COLEC10: variants seen among roughly 807,000 people sequenced by gnomAD.
COLEC10 encodes collectin subfamily member 10, also known as collectin-10.
COLEC10 carries 22 observed loss-of-function variants against 28.4 expected under a neutral mutation model. The observed-to-expected ratio is 0.78, with a 90% CI of 0.55 to 1.11. The LOEUF is 1.11. COLEC10 is among the 50% of genes least tolerant of loss of function. The pLI is 0.00. For missense variants in COLEC10, 361 were observed against 344.1 expected (o/e 1.05, Z -0.39); for synonymous variants, 125 against 116.1 (o/e 1.08, Z -0.49).
At chr8:118,960,167 G>A in the COLEC10 span, among the ~76,000 whole-genome samples, 2 of 151,576 alleles carry the variant, frequency 1.3e-5, no homozygotes, top group African/African-American at 4.9e-5. Flanking sequence ...TGGTGGTAGT[G>A]GTAGAACAGG....
At chr8:118,975,863 G>T in the COLEC10 span, among the ~76,000 whole-genome samples, 18 of 151,990 alleles carry the variant, frequency 1.2e-4, no homozygotes, top group Non-Finnish European at 2.2e-4. Context: ...TGTAAACCAC[G>T]AATTTCTTAC....
At chr8:119,089,595 G>A (rs1419893299) in intron 1 of COLEC10, 85 bp from the exon 2 acceptor site, 48 of 1,079,362 alleles carry the variant, frequency 4.4e-5, no homozygotes, top group Non-Finnish European at 6.6e-5. Context: ...GGGAAAGATT[G>A]TAACCATGTC....
At chr8:119,104,978 A>G (rs776239191) in intron 5 of COLEC10, among the ~76,000 whole-genome samples, 8 of 152,190 alleles carry the variant, frequency 5.3e-5, no homozygotes, top group Non-Finnish European at 8.8e-5. Context: ...GGTGATTCTC[A>G]GTCTCCAGTT....
At chr8:119,094,858 A>C (rs1587061168) in intron 3 of COLEC10, among the ~76,000 whole-genome samples, 3 of 152,196 alleles carry the variant, frequency 2.0e-5, no homozygotes, top group Non-Finnish European at 4.4e-5. Flanking sequence ...TTTGAAAAGG[A>C]ATACCAACAA....
the COLEC10 span, among the ~76,000 whole-genome samples, chr8:118,967,363 T>G: frequency 3.3e-5 from 5 of 152,142 alleles, no homozygotes; most frequent in Non-Finnish European, 7.4e-5. Flanking sequence ...GCCTCTAATA[T>G]GCCACCTTCA....
the COLEC10 span, among the ~76,000 whole-genome samples, chr8:118,979,980 G>C: frequency 6.6e-6 from 1 of 152,144 alleles, no homozygotes; most frequent in South Asian, 2.1e-4. Context: ...CTCAGAACTT[G>C]GCAGCTTGCT....
intron 2 of COLEC10, among the ~76,000 whole-genome samples, chr8:119,017,177 C>T (rs111546558): frequency 2.6e-5 from 4 of 152,234 alleles, no homozygotes; most frequent in African/African-American, 4.8e-5. Context: ...GACTAAGTGA[C>T]GTATCCGAGG....
intron 2 of COLEC10, among the ~76,000 whole-genome samples, chr8:119,031,004 T>C (rs551236198): frequency 6.6e-6 from 1 of 152,312 alleles, no homozygotes; most frequent in Non-Finnish European, 1.5e-5. Flanking sequence ...AGGTCCAACA[T>C]ATTCTTTGAA....
chr8:118,986,507 A>G, the COLEC10 span, among the ~76,000 whole-genome samples: 1 of 152,204 alleles, frequency 6.6e-6, no homozygotes, highest in Admixed American at 6.6e-5. Flanking sequence ...AAATATTCAA[A>G]GAAACAATAA....
At chr8:118,998,683 C>A (rs1396541071) in intron 1 of COLEC10, among the ~76,000 whole-genome samples, 27 of 139,446 alleles carry the variant, frequency 1.9e-4, no homozygotes, top group Admixed American at 3.6e-4. Context: ...CTGAAAAATA[C>A]AAAAAAAAAA....
chr8:119,061,854 G>T (rs959853466), intron 2 of COLEC10, among the ~76,000 whole-genome samples: 1 of 152,090 alleles, frequency 6.6e-6, no homozygotes, highest in African/African-American at 2.4e-5. Context: ...TTGCTGACAA[G>T]CCTTCCAATC....
At chr8:119,050,185 AGATTATC>A (rs1814652675) in intron 2 of COLEC10, among the ~76,000 whole-genome samples, 1 of 150,436 alleles carries the variant, frequency 6.6e-6, no homozygotes, top group South Asian at 2.1e-4. Flanking sequence ...ATTTTGTATG[AGATTATC>A]GAAGATAAAG....
At chr8:119,021,044 T>G in intron 2 of COLEC10, among the ~76,000 whole-genome samples, 1 of 152,286 alleles carries the variant, frequency 6.6e-6, no homozygotes, top group Middle Eastern at 3.4e-3. Context: ...CAGTTATTAT[T>G]CACTGACACA....
At chr8:119,056,740 T>C (rs545480097) in intron 2 of COLEC10, among the ~76,000 whole-genome samples, 20 of 152,116 alleles carry the variant, frequency 1.3e-4, no homozygotes, top group African/African-American at 4.8e-4. Flanking sequence ...TCTCATATCC[T>C]CCATTTTATT....
At chr8:119,101,322 A>C (rs1815820997) in intron 3 of COLEC10, among the ~76,000 whole-genome samples, 1 of 152,110 alleles carries the variant, frequency 6.6e-6, no homozygotes, top group Non-Finnish European at 1.5e-5. Context: ...CATAAACTCT[A>C]TTTTAATCTG....
chr8:118,968,752 T>C, the COLEC10 span, among the ~76,000 whole-genome samples: 2 of 151,924 alleles, frequency 1.3e-5, no homozygotes, highest in African/African-American at 4.8e-5. Flanking sequence ...TAGGTATTAC[T>C]CCTAATGCTA....
chr8:118,952,300 C>T, the COLEC10 span: 2 of 165,026 alleles, frequency 1.2e-5, no homozygotes, highest in East Asian at 1.8e-4. Flanking sequence ...TCTCCTCCAC[C>T]CTGAGAGTCC....
the COLEC10 span, among the ~76,000 whole-genome samples, chr8:118,956,806 T>G: frequency 1.3e-5 from 2 of 152,222 alleles, no homozygotes; most frequent in African/African-American, 4.8e-5. Context: ...ACTTCCCTGA[T>G]GCCCATGTAA....
intron 3 of COLEC10, among the ~76,000 whole-genome samples, chr8:119,093,592 C>A (rs1815654217): frequency 6.6e-6 from 1 of 152,080 alleles, no homozygotes; most frequent in African/African-American, 2.4e-5. Flanking sequence ...TGGCCATATA[C>A]CTCGATAAAA....
Sources: allele counts gnomAD v4.1 joint callset (sites outside exome capture counted in the v4.1 genomes callset), GRCh38; gene constraint gnomAD v4.1.1; transcripts MANE v1.5; gene names NCBI Gene and HGNC (gene_info 2026-07-23, HGNC 2026-07-21).